CDH3: variants seen among roughly 807,000 people sequenced by gnomAD.
CDH3 encodes cadherin-3.
CDH3 carries 54 observed loss-of-function variants against 82.0 expected under a neutral mutation model. That is an observed-to-expected ratio of 0.66 (90% confidence interval 0.53 to 0.83). CDH3 has a LOEUF of 0.83. CDH3 is among the 40% of genes least tolerant of loss of function. CDH3 has a pLI of 0.00. For synonymous variants in CDH3, 446 were observed against 437.9 expected (o/e 1.02, Z -0.23); for missense variants, 1,054 against 1,084.6 (o/e 0.97, Z 0.40).
Position 68,693,485 on chromosome 16 carries a change from G to A in CDH3, c.2002+1559G>A, listed in dbSNP as rs115280735. Among the ~76,000 whole-genome samples, 732 of 152,232 alleles carry A rather than the reference G, an allele frequency of 4.8e-3. 4 individuals carry two copies. The highest frequency in any genetic ancestry group is 0.017 in the African/African-American group (704 of 41,536). ...ACCCATGGATGATCGCAAGGCTTTC[G>A]GCTTAAGGAGAAACATGGCATTTCC... On this transcript the variant is annotated intron_variant, in intron 13 of 15. Transcript: ENST00000264012.
chr16:68,690,464 C>T (rs1298250024), intron 12 of CDH3, among the ~76,000 whole-genome samples: 1 of 151,230 alleles, frequency 6.6e-6, no homozygotes, highest in Non-Finnish European at 1.5e-5. Context: ...AATACAAAAA[C>T]TAGCTGGGTG....
chr16:68,668,692 C>T (rs1200401397), intron 2 of CDH3, among the ~76,000 whole-genome samples: 2 of 152,214 alleles, frequency 1.3e-5, no homozygotes, highest in East Asian at 3.8e-4. Context: ...GCCCTCTGGT[C>T]CCATGTGTCA....
At chr16:68,649,870 C>CT (rs1171083206) in intron 2 of CDH3, among the ~76,000 whole-genome samples, 3 of 152,086 alleles carry the variant, frequency 2.0e-5, no homozygotes, top group East Asian at 3.9e-4. Flanking sequence ...CCCGTATCTA[C>CT]TAAAAACACA....
At position 68,678,543 on chromosome 16, in the gene CDH3, A is replaced by G; in HGVS notation, c.433A>G (p.Ile145Val). 2 of 1,614,258 alleles carry G rather than the reference A, an allele frequency of 1.2e-6. No individual in the cohort carries two copies. The highest frequency in any genetic ancestry group is 1.7e-6 in the Non-Finnish European group (2 of 1,180,042). The part of the protein sequence containing the change: ...KDRDTKIFYS[I>V]TGPGADSPPE... ...TAGAGACACCAAGATTTTCTACAGC[A>G]TCACGGGGCCGGGGGCAGACAGCCC... Residue 145 changes from isoleucine to valine, a missense_variant, in exon 5 of 16, where the codon ATC (isoleucine) becomes GTC (valine). Transcript: ENST00000264012.
intron 2 of CDH3, among the ~76,000 whole-genome samples, chr16:68,650,026 T>G (rs544850364): frequency 1.3e-5 from 2 of 150,642 alleles, no homozygotes; most frequent in East Asian, 3.9e-4. Context: ...AGAGTGAGAC[T>G]CCGCCTCAAA....
downstream of CDH3, among the ~76,000 whole-genome samples, chr16:68,704,155 C>T (rs941026775): frequency 9.6e-5 from 14 of 146,522 alleles, no homozygotes; most frequent in Non-Finnish European, 2.0e-4. Flanking sequence ...GGCGTGGTGG[C>T]GGGCGCCTGT....
rs1404799749 is a variant in CDH3 at position 68,678,174 on chromosome 16, T to G, written c.287T>G (p.Phe96Cys). ...AAGGAAAGGAATCCATTGAAGATCT[T>G]CCCATCCAAACGTATCTTACGAAGA... ...SLKERNPLKI[F>C]PSKRILRRHK... The change falls in exon 4 of 16, where the codon TTC becomes TGC. Residue 96 changes from phenylalanine (F) to cysteine (C), a missense_variant. Physicochemically the swap from Phe to Cys is radical, Grantham distance 205. Transcript: ENST00000264012. 6.2e-7 allele frequency: 1 copy of G among 1,613,872 alleles called. No homozygotes were observed. The highest frequency in any genetic ancestry group is 8.5e-7 in the Non-Finnish European group (1 of 1,179,838).
chr16:68,726,964 C>T (rs897752377), intron 2 of CDH3, among the ~76,000 whole-genome samples: 1 of 152,284 alleles, frequency 6.6e-6, no homozygotes, highest in East Asian at 1.9e-4. Context: ...GCTCATAAAG[C>T]ATTATTTCTG....
At chr16:68,696,463 C>T (rs11075694) in intron 15 of CDH3, 118,629 of 208,422 alleles carry the variant, frequency 0.57, 33,954 homozygotes, top group Non-Finnish European at 0.61. Flanking sequence ...CAGTGCCTCA[C>T]GCCTGTAATC....
Position 68,679,824 on chromosome 16 carries a change from C to T in CDH3, c.717C>T (p.Ala239=). Residue 239 remains alanine, a synonymous_variant, in exon 7 of 16, where the codon GCC becomes GCT. Transcript: ENST00000264012. The part of the protein sequence containing the change: ...LPGTSVMQVT[A]TDEDDAIYTY... ...GTACTTCTGTGATGCAGGTGACAGC[C>T]ACGGATGAGGATGATGCCATCTACA... is the stretch of plus-strand genomic sequence containing the variant. 6.2e-7 allele frequency: 1 copy of T among 1,612,512 alleles called. No homozygotes were observed. Among genetic ancestry groups the T allele is most frequent in the South Asian group, 1.1e-5 (1 of 91,008 alleles).
intron 2 of CDH3, among the ~76,000 whole-genome samples, chr16:68,723,268 A>G (rs558319859): frequency 6.6e-6 from 1 of 152,232 alleles, no homozygotes; most frequent in East Asian, 1.9e-4. Flanking sequence ...CCAATTTTTA[A>G]TAGTTATATA....
At chr16:68,724,549 C>A (rs1381082731) in intron 2 of CDH3, among the ~76,000 whole-genome samples, 6 of 151,848 alleles carry the variant, frequency 4.0e-5, no homozygotes, top group Admixed American at 3.9e-4. Context: ...ATCACTTGGG[C>A]CCAGGAGTTC....
At chr16:68,667,302 C>T (rs1264464449) in intron 2 of CDH3, among the ~76,000 whole-genome samples, 1 of 152,178 alleles carries the variant, frequency 6.6e-6, no homozygotes, top group Non-Finnish European at 1.5e-5. Flanking sequence ...GTCCCTAAAG[C>T]AAGCTAGAAT....
rs191147670 is a variant in CDH3, at chr16:68,672,219, A to C, written c.161-4166A>C. ...AAAAAAAAAAATAAATAAATAAAAA[A>C]TAAAAAAAAAAGAAAATAAGTTTCT... On this transcript the variant is annotated intron_variant, in intron 2 of 15. Transcript: ENST00000264012. 3.6e-4 allele frequency among the ~76,000 whole-genome samples: 54 copies of C among 150,296 alleles called. No homozygotes were observed. The East Asian group carries it at 0.01, about 28-fold the overall frequency.
intron 11 of CDH3, 45 bp from the exon 12 acceptor site, chr16:68,687,467 C>A: frequency 6.5e-7 from 1 of 1,528,024 alleles, no homozygotes; most frequent in Non-Finnish European, 9.1e-7. Flanking sequence ...CTGAGGCTGA[C>A]TGGGTGGGTC....
rs1487441706 is a variant in CDH3, at chr16:68,678,142, G to A, written c.255G>A (p.Arg85=). The part of the protein sequence containing the change: ...VRNGETVQER[R]SLKERNPLKI... ...AGTTTCTCTCCTTGCAGGAAAGAAG[G>A]TCACTGAAGGAAAGGAATCCATTGA... The change falls in exon 4 of 16, where the codon AGG becomes AGA. Residue 85 remains arginine, a synonymous_variant. Coordinates refer to ENST00000264012, the MANE Select transcript of CDH3 (RefSeq NM_001793.6). 6.2e-7 allele frequency: 1 copy of A among 1,613,970 alleles called. No homozygotes were observed. The highest frequency in any genetic ancestry group is 8.5e-7 in the Non-Finnish European group (1 of 1,179,838).
rs200124759 is a variant in CDH3 at position 68,695,367 on chromosome 16, G to A, written c.2115G>A (p.Gly705=). The A allele has an allele frequency of 7.4e-5, 120 of 1,612,550 alleles. No homozygotes were observed. The highest frequency in any genetic ancestry group is 3.1e-5 in the Non-Finnish European group (36 of 1,179,444). The change falls in exon 14 of 16, where the codon GGG becomes GGA. Residue 705 remains glycine, a synonymous_variant. Coordinates refer to ENST00000264012, the MANE Select transcript of CDH3 (RefSeq NM_001793.6). ...RDNVFYYGEE[G]GGEEDQDYDI... is the part of the protein sequence containing the mutation. ...ACGTCTTCTACTATGGCGAAGAGGG[G>A]GGTGGCGAAGAGGACCAGGTGGGGC...
rs968999617 is a variant in CDH3, at chr16:68,645,838, A to G, written c.160+88A>G. ...CGCGAGGGGTGTTCGGGCCGGGGCA[A>G]GGGACTCCTGGCGCCACCTCAGTTC... On this transcript the variant is annotated intron_variant, in intron 2 of 15. Coordinates refer to ENST00000264012, the MANE Select transcript of CDH3 (RefSeq NM_001793.6). The G allele has an allele frequency of 2.4e-5, 24 of 1,005,488 alleles. No individual in the cohort carries two copies. The Admixed American group carries it at 5.4e-4, about 23-fold the overall frequency. The allele number at this position is 1,005,488 out of a possible 1,614,324, so 62.3% of individuals were successfully genotyped here. A position where few individuals can be genotyped will look rare whatever the true frequency, so the allele number is the denominator to read the frequency against.
intron 2 of CDH3, among the ~76,000 whole-genome samples, chr16:68,654,709 A>T (rs1331318077): frequency 4.1e-5 from 5 of 123,224 alleles, no homozygotes; most frequent in East Asian, 2.1e-4. Context: ...TCTCAAAAAA[A>T]AAAAATATAT....
Sources: allele counts gnomAD v4.1 joint callset (sites outside exome capture counted in the v4.1 genomes callset), GRCh38; gene constraint gnomAD v4.1.1; transcripts MANE v1.5; gene names NCBI Gene and HGNC (gene_info 2026-07-23, HGNC 2026-07-21).